Variants in PTPRT observed in about 807,000 individuals in gnomAD.
PTPRT encodes the protein protein tyrosine phosphatase receptor type T, also known as receptor-type tyrosine-protein phosphatase T.
In PTPRT, 56 loss-of-function variants were observed where a neutral mutation model predicts 176.8. That is an observed-to-expected ratio of 0.32 (90% confidence interval 0.26 to 0.40). The LOEUF (loss-of-function observed/expected upper bound fraction) is 0.40, where lower values mean the gene tolerates loss of function less well. Ranked by LOEUF, PTPRT falls within the 10% of genes least tolerant of loss-of-function variation. PTPRT has a pLI of 1.00. For synonymous variants in PTPRT, 783 were observed against 739.0 expected, an observed-to-expected ratio of 1.06 and a Z score of -0.96; for missense variants, 1,540 against 1,908.2, an observed-to-expected ratio of 0.81 and a Z score of 3.60.
rs774013400 is a variant in PTPRT at position 42,318,602 on chromosome 20, C to T, written c.1866-2606G>A. 2.0e-5 allele frequency among the ~76,000 whole-genome samples: 3 copies of T among 152,188 alleles called. No homozygotes were observed. The South Asian group carries it at 6.2e-4, about 32-fold the overall frequency. On this transcript the variant is annotated intron_variant, in intron 11 of 30. Transcript: ENST00000373187. ...TGGATTTGGGAGCATGCAACCAAAG[C>T]AGTCCTCATATCCTCTTCAGCAGAT... is the stretch of plus-strand genomic sequence containing the variant.
intron 1 of PTPRT, among the ~76,000 whole-genome samples, chr20:42,944,510 A>G (rs1306876480): frequency 6.6e-6 from 1 of 152,128 alleles, no homozygotes; most frequent in Non-Finnish European, 1.5e-5. Context: ...TCTCAATTCT[A>G]TTCCTCCAAC....
At chr20:42,463,300 T>C (rs2071051608) in intron 8 of PTPRT, among the ~76,000 whole-genome samples, 1 of 152,186 alleles carries the variant, frequency 6.6e-6, no homozygotes, top group South Asian at 2.1e-4. Context: ...TGAATCCACA[T>C]TTTCCCTTTC....
intron 7 of PTPRT, among the ~76,000 whole-genome samples, chr20:42,511,367 T>C (rs956263097): frequency 6.6e-6 from 1 of 151,964 alleles, no homozygotes; most frequent in African/African-American, 2.4e-5. Context: ...GCAGTAACAG[T>C]GGGAAGTCTA....
At chr20:42,318,427 G>C (rs1370328476) in intron 11 of PTPRT, among the ~76,000 whole-genome samples, 1 of 152,204 alleles carries the variant, frequency 6.6e-6, no homozygotes, top group African/African-American at 2.4e-5. Flanking sequence ...AATCTGGCTT[G>C]AATGCTAATA....
At chr20:42,587,330 C>T (rs1362732621) in intron 7 of PTPRT, among the ~76,000 whole-genome samples, 4 of 152,244 alleles carry the variant, frequency 2.6e-5, no homozygotes, top group Non-Finnish European at 4.4e-5. Context: ...AGACACATTG[C>T]CCAGCATGGG....
At chr20:42,393,589 A>G (rs974949310) in intron 9 of PTPRT, among the ~76,000 whole-genome samples, 3 of 152,192 alleles carry the variant, frequency 2.0e-5, no homozygotes, top group Non-Finnish European at 4.4e-5. Context: ...CACAAGTTGG[A>G]ATCTGATGCC....
At chr20:42,647,459 C>T (rs1294107540) in intron 7 of PTPRT, among the ~76,000 whole-genome samples, 2 of 152,160 alleles carry the variant, frequency 1.3e-5, no homozygotes, top group Admixed American at 1.3e-4. Context: ...TAATCCATTC[C>T]CACTGCACGT....
rs114821828 is a variant in PTPRT, at chr20:42,178,633, G to A, written c.2492-17091C>T. Reference sequence around the variant, plus strand: ...TCTCAGTTTCTGCAGATAGAAATCTGGTTGCAGCCTAGATGTGTATCTCTG... The same window carrying A: ...TCTCAGTTTCTGCAGATAGAAATCTAGTTGCAGCCTAGATGTGTATCTCTG... On this transcript the variant is annotated intron_variant, in intron 16 of 30. Coordinates refer to ENST00000373187, the MANE Select transcript of PTPRT (RefSeq NM_007050.6). Among the ~76,000 whole-genome samples the A allele has an allele frequency of 8.7e-3, 1,326 of 152,306 alleles. 22 individuals carry two copies. The highest frequency in any genetic ancestry group is 0.03 in the African/African-American group (1,231 of 41,558).
chr20:42,802,163 C>A (rs571507740), intron 2 of PTPRT, among the ~76,000 whole-genome samples: 2 of 152,336 alleles, frequency 1.3e-5, no homozygotes, highest in African/African-American at 4.8e-5. Context: ...ATCTGCACTT[C>A]TAACAAGTTT....
At chr20:42,679,383 G>A (rs3091603) in intron 6 of PTPRT, among the ~76,000 whole-genome samples, 3,797 of 151,616 alleles carry the variant, frequency 0.025, 187 homozygotes, top group African/African-American at 0.088. Flanking sequence ...ACTTATATCC[G>A]CATGCCTTCC....
chr20:42,359,963 C>T (rs1313740506), intron 9 of PTPRT, among the ~76,000 whole-genome samples: 1 of 152,206 alleles, frequency 6.6e-6, no homozygotes, highest in Admixed American at 6.5e-5. Flanking sequence ...AACTCGTTTG[C>T]CCAACATGGC....
intron 1 of PTPRT, among the ~76,000 whole-genome samples, chr20:42,941,081 C>CAA (rs540543601): frequency 0.016 from 2,328 of 147,932 alleles, 75 homozygotes; most frequent in African/African-American, 0.055. Flanking sequence ...GACTCCATCT[C>CAA]AAAAAAAAAT....
At chr20:42,062,655 TG>T in the PTPRT span, among the ~76,000 whole-genome samples, 1 of 152,242 alleles carries the variant, frequency 6.6e-6, no homozygotes, top group South Asian at 2.1e-4. Context: ...GATTTCTTGC[TG>T]GGCCCCAGAT....
chr20:42,116,342 T>C (rs527900507), intron 21 of PTPRT, among the ~76,000 whole-genome samples: 2 of 152,164 alleles, frequency 1.3e-5, no homozygotes, highest in Admixed American at 6.5e-5. Flanking sequence ...CTAATCATCC[T>C]GCAGACTAGC....
intron 6 of PTPRT, among the ~76,000 whole-genome samples, chr20:42,739,944 T>C (rs777570665): frequency 1.7e-3 from 266 of 152,260 alleles, no homozygotes; most frequent in Non-Finnish European, 1.9e-3. Context: ...TTGTCTCACT[T>C]TGCATCCTCC....
At chr20:42,159,280 C>T (rs980910810) in intron 17 of PTPRT, among the ~76,000 whole-genome samples, 1 of 151,618 alleles carries the variant, frequency 6.6e-6, no homozygotes, top group African/African-American at 2.4e-5. Context: ...GATATGCCAC[C>T]TGGAGGCTGT....
chr20:42,116,896 T>C (rs1468393808), intron 21 of PTPRT, among the ~76,000 whole-genome samples: 2 of 152,130 alleles, frequency 1.3e-5, no homozygotes, highest in African/African-American at 2.4e-5. Context: ...CAATGGGGGA[T>C]ATATTGTAGA....
chr20:43,158,252 A>G (rs2014580031), intron 1 of PTPRT, among the ~76,000 whole-genome samples: 1 of 152,200 alleles, frequency 6.6e-6, no homozygotes, highest in Non-Finnish European at 1.5e-5. Flanking sequence ...TGGCCAGGGC[A>G]AGTGGACGTG....
At position 42,248,612 on chromosome 20, in the gene PTPRT, C is replaced by T; in HGVS notation, c.2312+75G>A. The stretch of plus-strand genomic sequence containing the variant: ...CCCTGCTGGACAATGATCAACAGAG[C>T]AAAAACCTGGCCACACAGCAGTGTT... On this transcript the variant is annotated intron_variant, in intron 14 of 30. Transcript: ENST00000373187. The T allele has an allele frequency of 3.2e-6, 5 of 1,553,980 alleles. No homozygotes were observed. In the South Asian group the frequency reaches 3.5e-5, roughly 11 times the overall value.
Sources: allele counts gnomAD v4.1 joint callset (sites outside exome capture counted in the v4.1 genomes callset), GRCh38; gene constraint gnomAD v4.1.1; transcripts MANE v1.5; gene names NCBI Gene and HGNC (gene_info 2026-07-23, HGNC 2026-07-21).